The following SPIRE1 variants were observed in gnomAD, a reference collection of about 807,000 sequenced individuals.
The protein encoded by SPIRE1 is spire type actin nucleation factor 1, also known as protein spire homolog 1.
In SPIRE1, 40 loss-of-function variants were observed where a neutral mutation model predicts 94.1. The observed-to-expected ratio is 0.43, with a 90% CI of 0.33 to 0.55. SPIRE1 has a LOEUF of 0.55. SPIRE1 is among the 20% of genes least tolerant of loss of function. The pLI is 0.06. For missense variants in SPIRE1, 838 were observed against 975.2 expected, an observed-to-expected ratio of 0.86 and a Z score of 1.87; for synonymous variants, 376 against 371.7, an observed-to-expected ratio of 1.01 and a Z score of -0.13.
At chr18:12,570,703 A>G (rs1055594028) in intron 2 of SPIRE1, among the ~76,000 whole-genome samples, 1 of 152,214 alleles carries the variant, frequency 6.6e-6, no homozygotes, top group African/African-American at 2.4e-5. Context: ...TTCCATATCC[A>G]TAATTCTACT....
chr18:12,647,212 T>C (rs1330472089), intron 1 of SPIRE1, among the ~76,000 whole-genome samples: 2 of 152,206 alleles, frequency 1.3e-5, no homozygotes, highest in Non-Finnish European at 2.9e-5. Context: ...TTTTAAAAGT[T>C]TGTGAGATAC....
intron 2 of SPIRE1, among the ~76,000 whole-genome samples, chr18:12,613,582 A>G (rs1271936667): frequency 6.6e-6 from 1 of 152,198 alleles, no homozygotes; most frequent in Non-Finnish European, 1.5e-5. Context: ...TAAGAAAAAA[A>G]GAAAATAAAA....
Position 12,477,377 on chromosome 18 carries a change from CTT to C in SPIRE1, c.1404+2320_1404+2321del, listed in dbSNP as rs1247500311. The stretch of plus-strand genomic sequence containing the variant: ...CTTCATTTATTTAATTTTAATATAA[CTT>C]AAATTTAAATAGCCACATGTGGGAG... On this transcript the variant is annotated intron_variant, in intron 10 of 16. Transcript: ENST00000409402. Among the ~76,000 whole-genome samples the C allele has an allele frequency of 3.9e-5, 6 of 152,188 alleles. No homozygotes were observed. The South Asian group carries it at 8.3e-4, about 21-fold the overall frequency.
intron 2 of SPIRE1, among the ~76,000 whole-genome samples, chr18:12,583,375 A>G (rs2036306631): frequency 6.6e-6 from 1 of 152,194 alleles, no homozygotes; most frequent in Admixed American, 6.5e-5. Flanking sequence ...AGGCCAAGGC[A>G]GGCGGATCAT....
chr18:12,624,615 A>T (rs1464240839), intron 2 of SPIRE1, among the ~76,000 whole-genome samples: 1 of 151,466 alleles, frequency 6.6e-6, no homozygotes, highest in Non-Finnish European at 1.5e-5. Flanking sequence ...CCATATAGTA[A>T]ATATGGTAAA....
chr18:12,510,282 A>G (rs1410303713), intron 5 of SPIRE1, among the ~76,000 whole-genome samples: 1 of 152,056 alleles, frequency 6.6e-6, no homozygotes, highest in African/African-American at 2.4e-5. Context: ...CATTATTTTG[A>G]TTGTGGTGAT....
At chr18:12,494,414 TCTACCATGACCTACCATC>T (rs998814945) in intron 7 of SPIRE1, among the ~76,000 whole-genome samples, 4 of 152,028 alleles carry the variant, frequency 2.6e-5, no homozygotes, top group African/African-American at 7.3e-5. Flanking sequence ...CTCCTTCTGT[TCTACCATGACCTACCATC>T]CTACCATGAC....
chr18:12,657,591 C>T lies in SPIRE1; in HGVS notation c.276G>A (p.Arg92=). ...CGGGCGCCAGGGTGACGGCGCCGTC[C>T]CTCCAGACGCGGATCTGCGCGGCCG... The part of the protein sequence containing the change: ...VRSAAQIRVW[R]DGAVTLAPAA... The change falls in exon 1 of 17, where the codon AGG becomes AGA. Residue 92 remains arginine, a synonymous_variant. Transcript: ENST00000409402. 1 of 1,247,302 alleles carries T rather than the reference C, an allele frequency of 8.0e-7. No homozygotes were observed. The highest frequency in any genetic ancestry group is 1.0e-6 in the Non-Finnish European group (1 of 997,128). The allele number at this position is 1,247,302 out of a possible 1,614,324, so 77.3% of individuals were successfully genotyped here.
At chr18:12,527,670 G>C (rs941613785) in intron 4 of SPIRE1, among the ~76,000 whole-genome samples, 1 of 152,178 alleles carries the variant, frequency 6.6e-6, no homozygotes, top group African/African-American at 2.4e-5. Flanking sequence ...AGGAGCCCCA[G>C]GTGTGCATTA....
rs2143520718 is a variant in SPIRE1 at position 12,454,544 on chromosome 18, T to C, written c.1639-61A>G. ...TACCCCCTGTTCTGGAAGTGCAAAA[T>C]TTCCCTTCAGATCAGACCCCTGATT... On this transcript the variant is annotated intron_variant, in intron 12 of 16. Coordinates refer to ENST00000409402, the MANE Select transcript of SPIRE1 (RefSeq NM_001128626.2). 3 of 1,549,212 alleles carry C rather than the reference T, an allele frequency of 1.9e-6. No individual in the cohort carries two copies. In the Admixed American group the frequency reaches 5.1e-5, roughly 26 times the overall value.
At chr18:12,558,194 T>C (rs2035574772) in intron 2 of SPIRE1, among the ~76,000 whole-genome samples, 2 of 152,184 alleles carry the variant, frequency 1.3e-5, no homozygotes, top group South Asian at 4.1e-4. Flanking sequence ...TGTTTAGATG[T>C]GTCCGGAGTT....
At chr18:12,456,186 G>C (rs765893453) in intron 12 of SPIRE1, among the ~76,000 whole-genome samples, 10 of 152,072 alleles carry the variant, frequency 6.6e-5, no homozygotes, top group Middle Eastern at 3.2e-3. Context: ...AAAAATTAAC[G>C]ATCACAGTTT....
intron 2 of SPIRE1, among the ~76,000 whole-genome samples, chr18:12,630,966 T>G (rs1192154506): frequency 6.6e-6 from 1 of 152,200 alleles, no homozygotes; most frequent in Non-Finnish European, 1.5e-5. Flanking sequence ...CAGTCCCCTT[T>G]GTGACCCCGT....
At chr18:12,544,362 AT>A (rs1022870280) in intron 3 of SPIRE1, among the ~76,000 whole-genome samples, 8 of 138,706 alleles carry the variant, frequency 5.8e-5, no homozygotes, top group African/African-American at 2.0e-4. Context: ...ACCACACCTG[AT>A]TAATTTTGTA....
chr18:12,459,506 C>T (rs1323049221), intron 12 of SPIRE1, among the ~76,000 whole-genome samples: 1 of 152,226 alleles, frequency 6.6e-6, no homozygotes, highest in East Asian at 1.9e-4. Flanking sequence ...ACAATTAGGT[C>T]ACCCGAGGAG....
chr18:12,661,697 C>T (rs985315754), upstream of SPIRE1: 1 of 152,470 alleles, frequency 6.6e-6, no homozygotes, highest in Non-Finnish European at 1.5e-5. Flanking sequence ...ATCGCTTGAA[C>T]CCAGGAAGTG....
chr18:12,612,295 T>C (rs551659979), intron 2 of SPIRE1, among the ~76,000 whole-genome samples: 1 of 152,304 alleles, frequency 6.6e-6, no homozygotes, highest in South Asian at 2.1e-4. Context: ...TGATGTTGCC[T>C]GAAATTTATT....
At chr18:12,523,498 AGCACTGTAT>A (rs1394891085) in intron 4 of SPIRE1, among the ~76,000 whole-genome samples, 1 of 152,248 alleles carries the variant, frequency 6.6e-6, no homozygotes, top group African/African-American at 2.4e-5. Context: ...GCTATCAAAC[AGCACTGTAT>A]GCTACAATGT....
intron 1 of SPIRE1, among the ~76,000 whole-genome samples, chr18:12,643,022 AAT>A (rs1450999743): frequency 6.6e-6 from 1 of 152,204 alleles, no homozygotes; most frequent in Admixed American, 6.5e-5. Context: ...GTATAATAAA[AAT>A]GTGTAACTTA....
Sources: allele counts gnomAD v4.1 joint callset (sites outside exome capture counted in the v4.1 genomes callset), GRCh38; gene constraint gnomAD v4.1.1; transcripts MANE v1.5; gene names NCBI Gene and HGNC (gene_info 2026-07-23, HGNC 2026-07-21).